Variants in TMEM132C observed in about 807,000 individuals in gnomAD.
TMEM132C encodes transmembrane protein 132C.
In TMEM132C, 29 loss-of-function variants were observed where a neutral mutation model predicts 61.4. The observed-to-expected ratio is 0.47, with a 90% CI of 0.35 to 0.64. The LOEUF (loss-of-function observed/expected upper bound fraction) is 0.64, where lower values mean the gene tolerates loss of function less well. TMEM132C is among the 30% of genes least tolerant of loss of function. TMEM132C has a pLI of 0.00. For synonymous variants in TMEM132C, 656 were observed against 633.1 expected, an observed-to-expected ratio of 1.04 and a Z score of -0.54; for missense variants, 1,408 against 1,476.9, an observed-to-expected ratio of 0.95 and a Z score of 0.76.
chr12:128,676,472 A>G (rs1954588073), intron 5 of TMEM132C, among the ~76,000 whole-genome samples: 1 of 152,224 alleles, frequency 6.6e-6, no homozygotes, highest in Non-Finnish European at 1.5e-5. Context: ...TGTCTACAAT[A>G]ATAATTGCTC....
At chr12:128,544,995 G>A (rs553537461) in intron 3 of TMEM132C, among the ~76,000 whole-genome samples, 1 of 152,076 alleles carries the variant, frequency 6.6e-6, no homozygotes, top group African/African-American at 2.4e-5. Flanking sequence ...TTAGATTCAG[G>A]GGGTACATGT....
chr12:128,535,924 C>A (rs11613038), intron 2 of TMEM132C, among the ~76,000 whole-genome samples: 2 of 151,476 alleles, frequency 1.3e-5, no homozygotes, highest in African/African-American at 2.4e-5. Flanking sequence ...GAAATAGGAA[C>A]GCTTTTACAC....
At chr12:128,553,341 T>G (rs1410941806) in intron 3 of TMEM132C, among the ~76,000 whole-genome samples, 1 of 152,234 alleles carries the variant, frequency 6.6e-6, no homozygotes, top group Non-Finnish European at 1.5e-5. Flanking sequence ...AATGCCTTTA[T>G]TTTACTTTTG....
At chr12:128,525,384 A>G (rs890783087) in intron 2 of TMEM132C, among the ~76,000 whole-genome samples, 1 of 151,956 alleles carries the variant, frequency 6.6e-6, no homozygotes, top group Non-Finnish European at 1.5e-5. Flanking sequence ...TGGTGGTAAA[A>G]GAATATAATG....
intron 5 of TMEM132C, among the ~76,000 whole-genome samples, chr12:128,690,893 G>C (rs1460419513): frequency 6.6e-6 from 1 of 152,186 alleles, no homozygotes; most frequent in Non-Finnish European, 1.5e-5. Context: ...CCAAACAGAA[G>C]TGCAAGTTGA....
intron 5 of TMEM132C, among the ~76,000 whole-genome samples, chr12:128,673,338 A>G (rs1344203175): frequency 1.3e-5 from 2 of 152,214 alleles, no homozygotes; most frequent in Non-Finnish European, 2.9e-5. Flanking sequence ...GCAAGCCAGG[A>G]GGGCTCTCAG....
intron 3 of TMEM132C, among the ~76,000 whole-genome samples, chr12:128,581,284 A>G (rs1875326537): frequency 6.6e-6 from 1 of 151,990 alleles, no homozygotes; most frequent in South Asian, 2.1e-4. Context: ...TTCCTTTTAA[A>G]CACTAACAAA....
intron 2 of TMEM132C, among the ~76,000 whole-genome samples, chr12:128,518,342 G>A (rs1282491996): frequency 2.0e-5 from 3 of 152,142 alleles, no homozygotes; most frequent in Non-Finnish European, 4.4e-5. Context: ...CAATAGCTTC[G>A]GAAGGGAGGA....
chr12:128,514,501 TGTG>T (rs1211860345), intron 2 of TMEM132C, among the ~76,000 whole-genome samples: 1 of 151,582 alleles, frequency 6.6e-6, no homozygotes, highest in African/African-American at 2.4e-5. Flanking sequence ...ATGTCTGGAA[TGTG>T]GTGGGAGGTG....
At chr12:128,529,941 C>T (rs1159806017) in intron 2 of TMEM132C, among the ~76,000 whole-genome samples, 4 of 152,066 alleles carry the variant, frequency 2.6e-5, no homozygotes, top group Non-Finnish European at 4.4e-5. Flanking sequence ...TTGTTAGGCA[C>T]GATAATGGCA....
chr12:128,586,649 C>G (rs1875560137), intron 3 of TMEM132C, among the ~76,000 whole-genome samples: 1 of 152,212 alleles, frequency 6.6e-6, no homozygotes, highest in Non-Finnish European at 1.5e-5. Context: ...CTCTCTGTCT[C>G]TCAAAACAAC....
Position 128,331,212 on chromosome 12 carries a change from C to T in TMEM132C, c.85+63725C>T, listed in dbSNP as rs141707916. ...TCTCTACCCCTTTATCATTCACTAA[C>T]GTGAATGTGGTGCTAATTTTTCCAG... On this transcript the variant is annotated intron_variant, in intron 1 of 8. Coordinates refer to ENST00000435159, the MANE Select transcript of TMEM132C (RefSeq NM_001136103.3). 6.9e-3 allele frequency among the ~76,000 whole-genome samples: 1,047 copies of T among 151,888 alleles called. 11 individuals carry two copies. The highest frequency in any genetic ancestry group is 0.023 in the African/African-American group (971 of 41,428).
intron 3 of TMEM132C, among the ~76,000 whole-genome samples, chr12:128,564,002 T>G (rs1874613925): frequency 6.6e-6 from 1 of 152,164 alleles, no homozygotes; most frequent in Admixed American, 6.5e-5. Context: ...AACCTTTATT[T>G]CTCAAAGTTC....
chr12:128,461,726 C>T (rs1003687170), intron 2 of TMEM132C, among the ~76,000 whole-genome samples: 12 of 152,114 alleles, frequency 7.9e-5, no homozygotes, highest in Non-Finnish European at 1.5e-4. Context: ...GTAATTCATT[C>T]AAAGTTGATG....
Position 128,271,211 on chromosome 12 carries a change from G to T in TMEM132C, c.85+3724G>T, listed in dbSNP as rs189170575. On this transcript the variant is annotated intron_variant, in intron 1 of 8. Coordinates refer to ENST00000435159, the MANE Select transcript of TMEM132C (RefSeq NM_001136103.3). Reference sequence around the variant, plus strand: ...GGAGGTTGCAGTGAGCCAAGATCATGCCACTGCACTCCAGCCTGGGTGACA... The same window carrying T: ...GGAGGTTGCAGTGAGCCAAGATCATTCCACTGCACTCCAGCCTGGGTGACA... 4.4e-3 allele frequency among the ~76,000 whole-genome samples: 672 copies of T among 151,392 alleles called. 2 individuals carry two copies. Among genetic ancestry groups the T allele is most frequent in the African/African-American group, 0.016 (642 of 41,372 alleles).
chr12:128,441,499 A>T (rs1565937400), intron 2 of TMEM132C, among the ~76,000 whole-genome samples: 1 of 152,164 alleles, frequency 6.6e-6, no homozygotes, highest in Admixed American at 6.5e-5. Context: ...CCAAAGATAT[A>T]CTTCCAGCAA....
intron 3 of TMEM132C, among the ~76,000 whole-genome samples, chr12:128,603,457 G>A (rs1250121700): frequency 6.6e-6 from 1 of 152,176 alleles, no homozygotes; most frequent in Non-Finnish European, 1.5e-5. Context: ...AGTGAGGACT[G>A]AGCTCAGCCC....
rs1490176167 is a variant in TMEM132C at position 128,544,110 on chromosome 12, G to A, written c.1121+7G>A. On this transcript the variant is annotated splice_region_variant and intron_variant, in intron 3 of 8. Coordinates refer to ENST00000435159, the MANE Select transcript of TMEM132C (RefSeq NM_001136103.3). ...GGCCCAGCCCACGCAACAGGTAAGC[G>A]GTGCCCTCCCTGCAAGCGTGTGTGG... is the stretch of plus-strand genomic sequence containing the variant. The A allele has an allele frequency of 1.4e-5, 21 of 1,520,316 alleles. No individual in the cohort carries two copies. Among genetic ancestry groups the A allele is most frequent in the East Asian group, 5.0e-5 (2 of 39,656 alleles). 94.2% of individuals were successfully genotyped at this position (1,520,316 alleles called of 1,614,324 possible). A position where few individuals can be genotyped will look rare whatever the true frequency, so the allele number is the denominator to read the frequency against.
At position 128,378,511 on chromosome 12, in the gene TMEM132C, G is replaced by A. The variant is rs1713617; in HGVS notation, c.86-36221G>A. ...AAAATTTCCTAGAGCAAATGCATTC[G>A]ATGCCACTCACAGATTTCGACAGGA... On this transcript the variant is annotated intron_variant, in intron 1 of 8. Coordinates refer to ENST00000435159, the MANE Select transcript of TMEM132C (RefSeq NM_001136103.3). Among the ~76,000 whole-genome samples, 1,455 of 152,202 alleles carry A rather than the reference G, an allele frequency of 9.6e-3. 21 individuals carry two copies. The highest frequency in any genetic ancestry group is 0.033 in the African/African-American group (1,380 of 41,506).
Sources: allele counts gnomAD v4.1 joint callset (sites outside exome capture counted in the v4.1 genomes callset), GRCh38; gene constraint gnomAD v4.1.1; transcripts MANE v1.5; gene names NCBI Gene and HGNC (gene_info 2026-07-23, HGNC 2026-07-21).